The following INPP4A variants were observed in gnomAD, a reference collection of about 807,000 sequenced individuals.
INPP4A encodes the protein inositol polyphosphate-4-phosphatase, type I, 107kD.
A neutral mutation model predicts 119.8 loss-of-function variants in INPP4A; 33 were observed. That is an observed-to-expected ratio of 0.28 (90% CI 0.21 to 0.37). INPP4A has a LOEUF of 0.37. Among genes scored for constraint, INPP4A ranks in the 10% least tolerant of loss-of-function variants. The pLI, the probability that INPP4A is intolerant of heterozygous loss-of-function variation, is 1.00. For synonymous variants in INPP4A, 496 were observed against 500.7 expected, an observed-to-expected ratio of 0.99 and a Z score of 0.12; for missense variants, 956 against 1,289.9, an observed-to-expected ratio of 0.74 and a Z score of 3.97.
intron 3 of INPP4A, among the ~76,000 whole-genome samples, 175 bp from the exon 4 acceptor site, chr2:98,520,512 G>T (rs887496813): frequency 5.9e-5 from 9 of 151,616 alleles, no homozygotes; most frequent in African/African-American, 2.2e-4. Flanking sequence ...TTTGGTTGTG[G>T]GGTCAGGGAC....
At chr2:98,466,441 A>G (rs1231414549) in intron 1 of INPP4A, among the ~76,000 whole-genome samples, 2 of 152,256 alleles carry the variant, frequency 1.3e-5, no homozygotes, top group Non-Finnish European at 2.9e-5. Flanking sequence ...CACAGATTAC[A>G]ATGAGTCACC....
chr2:98,539,419 T>G, intron 9 of INPP4A, 109 bp from the exon 10 acceptor site: 35 of 1,190,452 alleles, frequency 2.9e-5, no homozygotes, highest in Non-Finnish European at 3.7e-5. Context: ...AGATGAACAG[T>G]GAGAGGACTT....
chr2:98,478,951 GA>G (rs1179065162), intron 1 of INPP4A, among the ~76,000 whole-genome samples: 2 of 152,196 alleles, frequency 1.3e-5, no homozygotes, highest in East Asian at 3.8e-4. Context: ...TGGCAGGCTA[GA>G]GATAGCTACT....
intron 1 of INPP4A, among the ~76,000 whole-genome samples, chr2:98,511,979 G>A (rs543120556): frequency 1.3e-5 from 2 of 152,324 alleles, no homozygotes; most frequent in African/African-American, 4.8e-5. Context: ...GGAGAAGGTA[G>A]GAAAGTTGGG....
rs1463721961 is a variant in INPP4A, at chr2:98,566,460, G to A, written c.2420+291G>A. On this transcript the variant is annotated intron_variant, in intron 21 of 24. Transcript: ENST00000409851. The surrounding 1 kb of genome is among the most constrained non-coding windows in gnomAD (Gnocchi z 4.2). ...TGTGGGATCCGGAGTAGGGCACCCA[G>A]CAAGGTCTAGGGGGTCTGTAAAGGC... Among the ~76,000 whole-genome samples the A allele has an allele frequency of 6.6e-6, 1 of 152,178 alleles. No homozygotes were observed. The highest frequency in any genetic ancestry group is 1.5e-5 in the Non-Finnish European group (1 of 68,030).
chr2:98,467,880 A>G (rs114425300), intron 1 of INPP4A, among the ~76,000 whole-genome samples: 29 of 152,274 alleles, frequency 1.9e-4, no homozygotes, highest in African/African-American at 6.7e-4. Flanking sequence ...TAACTGTCTA[A>G]TAGTTATTTA....
At chr2:98,563,040 C>T (rs1443810291) in intron 17 of INPP4A, among the ~76,000 whole-genome samples, 1 of 152,180 alleles carries the variant, frequency 6.6e-6, no homozygotes, top group African/African-American at 2.4e-5. Context: ...GAAGGGAGAT[C>T]ACAGAGAACC....
intron 4 of INPP4A, among the ~76,000 whole-genome samples, chr2:98,523,225 A>G (rs1687553056): frequency 6.6e-6 from 1 of 152,244 alleles, no homozygotes; most frequent in Non-Finnish European, 1.5e-5. Flanking sequence ...TGAGTTAAAA[A>G]TCCTCATCCG....
intron 24 of INPP4A, among the ~76,000 whole-genome samples, chr2:98,584,101 G>A (rs1699679704): frequency 6.6e-6 from 1 of 152,226 alleles, no homozygotes; most frequent in South Asian, 2.1e-4. Context: ...CATGGGTGGT[G>A]TAAGCTGTGG....
intron 1 of INPP4A, among the ~76,000 whole-genome samples, chr2:98,494,274 A>C (rs1681461121): frequency 6.6e-6 from 1 of 152,206 alleles, no homozygotes; most frequent in African/African-American, 2.4e-5. Context: ...TTCCAGGAGA[A>C]TGTGGCTAGC....
chr2:98,530,826 T>C (rs943087786), intron 4 of INPP4A, among the ~76,000 whole-genome samples: 5 of 152,218 alleles, frequency 3.3e-5, no homozygotes, highest in Admixed American at 2.6e-4. Flanking sequence ...ATTGACTATA[T>C]GTCTTAGTTA....
At chr2:98,523,400 GT>G (rs539205115) in intron 4 of INPP4A, among the ~76,000 whole-genome samples, 3,942 of 143,282 alleles carry the variant, frequency 0.028, 174 homozygotes, top group African/African-American at 0.092. Context: ...TTGTTTTTTT[GT>G]TTTTTTTTTT....
chr2:98,585,139 A>C (rs1222410956), intron 24 of INPP4A, among the ~76,000 whole-genome samples: 1 of 152,134 alleles, frequency 6.6e-6, no homozygotes, highest in Non-Finnish European at 1.5e-5. Context: ...GACAGTCACT[A>C]TTTACGCCTA....
intron 1 of INPP4A, among the ~76,000 whole-genome samples, chr2:98,484,828 A>T (rs1311429380): frequency 6.6e-6 from 1 of 152,064 alleles, no homozygotes; most frequent in African/African-American, 2.4e-5. Context: ...TCCATTTCAA[A>T]TGTCTATATG....
At chr2:98,539,164 A>G (rs1690911196) in intron 9 of INPP4A, among the ~76,000 whole-genome samples, 183 bp downstream of exon 9, 1 of 152,170 alleles carries the variant, frequency 6.6e-6, no homozygotes. Context: ...AACAATTATA[A>G]TTTTCCTTGA....
At chr2:98,521,144 C>T (rs6542818) in intron 4 of INPP4A, 2,626 of 173,310 alleles carry the variant, frequency 0.015, 69 homozygotes, top group African/African-American at 0.059. Flanking sequence ...GGCTGAGTTT[C>T]GCTCTCTAGC....
intron 24 of INPP4A, among the ~76,000 whole-genome samples, chr2:98,586,664 C>A (rs1434417956): frequency 6.6e-6 from 1 of 152,184 alleles, no homozygotes; most frequent in Non-Finnish European, 1.5e-5. Flanking sequence ...TTTGCTTTTG[C>A]CCCCTGGATT....
At chr2:98,568,273 G>A (rs1696835099) in intron 21 of INPP4A, among the ~76,000 whole-genome samples, 1 of 152,154 alleles carries the variant, frequency 6.6e-6, no homozygotes, top group South Asian at 2.1e-4. Flanking sequence ...GGGACTCTGA[G>A]CCAAATGGCT....
At chr2:98,512,131 A>G (rs1489173223) in intron 1 of INPP4A, among the ~76,000 whole-genome samples, 3 of 152,230 alleles carry the variant, frequency 2.0e-5, no homozygotes, top group Non-Finnish European at 4.4e-5. Context: ...ACAACCTCAC[A>G]GGGCTGACAG....
Sources: gnomAD v4.1 joint callset for allele counts (sites outside exome capture counted in the v4.1 genomes callset) on GRCh38, gnomAD v4.1.1 for gene constraint, Gnocchi (gnomAD v3.1) non-coding constraint, MANE v1.5 for transcripts, NCBI Gene and HGNC (gene_info 2026-07-23, HGNC 2026-07-21) for gene names.